Variants in CHODL observed in about 807,000 individuals in gnomAD.
CHODL encodes transmembrane protein MT75.
A neutral mutation model predicts 34.5 loss-of-function variants in CHODL; 29 were observed. The observed-to-expected ratio is 0.84, with a 90% CI of 0.63 to 1.15. CHODL has a LOEUF of 1.15. Ranked by LOEUF, CHODL falls within the 50% of genes most tolerant of loss-of-function variation. CHODL has a pLI of 0.00. For missense variants in CHODL, 332 were observed against 332.5 expected, an observed-to-expected ratio of 1.00 and a Z score of 0.01; for synonymous variants, 125 against 116.1, an observed-to-expected ratio of 1.08 and a Z score of -0.49.
At chr21:18,069,689 A>T (rs938892910) in intron 2 of CHODL, among the ~76,000 whole-genome samples, 2 of 152,158 alleles carry the variant, frequency 1.3e-5, no homozygotes, top group African/African-American at 4.8e-5. Flanking sequence ...AATGACAAAG[A>T]TGGTGGTAAA....
intron 1 of CHODL, among the ~76,000 whole-genome samples, chr21:18,250,114 A>G (rs983668387): frequency 6.6e-6 from 1 of 152,136 alleles, no homozygotes; most frequent in African/African-American, 2.4e-5. Flanking sequence ...TAGAATCATT[A>G]CTTCTATAAA....
intron 2 of CHODL, among the ~76,000 whole-genome samples, chr21:18,174,161 A>ATATATATATCTTGGTAT (rs2073276201): frequency 1.2e-5 from 1 of 85,670 alleles, no homozygotes; most frequent in Non-Finnish European, 3.1e-5. Context: ...ATATATATAT[A>ATATATATATCTTGGTAT]AAATCAAGTC....
intron 2 of CHODL, among the ~76,000 whole-genome samples, chr21:18,229,118 A>G (rs766425502): frequency 2.6e-5 from 4 of 152,198 alleles, no homozygotes; most frequent in Non-Finnish European, 5.9e-5. Flanking sequence ...TGCCTTTGCA[A>G]TATATGATGG....
chr21:18,048,918 T>A (rs1333577502), intron 2 of CHODL, among the ~76,000 whole-genome samples: 1 of 151,940 alleles, frequency 6.6e-6, no homozygotes, highest in Non-Finnish European at 1.5e-5. Context: ...GTTCAGAACT[T>A]CACATTTTTT....
intron 1 of CHODL, among the ~76,000 whole-genome samples, chr21:18,251,799 C>G (rs1305338223): frequency 7.5e-6 from 1 of 133,526 alleles, no homozygotes; most frequent in East Asian, 2.1e-4. Flanking sequence ...ATAAAGAAGC[C>G]TCTTTTATAT....
intron 1 of CHODL, among the ~76,000 whole-genome samples, chr21:18,248,728 A>ATATAATATATATG (rs1219976502): frequency 8.4e-6 from 1 of 119,742 alleles, no homozygotes; most frequent in African/African-American, 3.6e-5. Flanking sequence ...ATATATATGT[A>ATATAATATATATG]TATAATATAT....
At chr21:18,212,040 A>C (rs1385388477) in intron 2 of CHODL, among the ~76,000 whole-genome samples, 5 of 152,222 alleles carry the variant, frequency 3.3e-5, no homozygotes, top group Non-Finnish European at 1.5e-5. Context: ...TAAATGGACA[A>C]AAATAAAGCA....
chr21:18,201,390 A>G (rs898706528), intron 2 of CHODL, among the ~76,000 whole-genome samples: 5 of 152,162 alleles, frequency 3.3e-5, no homozygotes, highest in African/African-American at 1.2e-4. Flanking sequence ...TAGGTAATCA[A>G]AATGTAGCCT....
At chr21:17,923,544 C>T (rs1330013729) in intron 1 of CHODL, among the ~76,000 whole-genome samples, 1 of 149,526 alleles carries the variant, frequency 6.7e-6, no homozygotes, top group Non-Finnish European at 1.5e-5. Context: ...TCACTGCAAC[C>T]TCCGCCTCCT....
In CHODL at chr21:17,954,922, G is replaced by A. The variant is rs1019491194; in HGVS notation, c.-145+37522G>A. Among the ~76,000 whole-genome samples the A allele has an allele frequency of 3.1e-5, 4 of 127,330 alleles. 1 individual carries two copies. Among genetic ancestry groups the A allele is most frequent in the African/African-American group, 1.1e-4 (4 of 37,660 alleles). The allele number at this position is 127,330 out of a possible 152,430, so 83.5% of individuals were successfully genotyped here. A position where few individuals can be genotyped will look rare whatever the true frequency, so the allele number is the denominator to read the frequency against. On this transcript the variant is annotated intron_variant, in intron 1 of 6. Transcript: ENST00000400127. ...TTTTATATAATATCTATAATTTTAT[G>A]TAATGTATAATTTTTAAAAAATATT...
At chr21:18,167,381 C>T (rs1193764017) in intron 2 of CHODL, among the ~76,000 whole-genome samples, 1 of 147,422 alleles carries the variant, frequency 6.8e-6, no homozygotes, top group African/African-American at 2.5e-5. Flanking sequence ...GTGATCTCAG[C>T]TCACTGCAAG....
chr21:17,932,787 GAA>G (rs1218717687), intron 1 of CHODL, among the ~76,000 whole-genome samples: 4 of 152,166 alleles, frequency 2.6e-5, no homozygotes, highest in African/African-American at 9.7e-5. Flanking sequence ...ACTTGGAAAA[GAA>G]AAAGACACAG....
At chr21:17,940,993 A>C (rs1281398377) in intron 1 of CHODL, among the ~76,000 whole-genome samples, 1 of 152,212 alleles carries the variant, frequency 6.6e-6, no homozygotes, top group African/African-American at 2.4e-5. Context: ...TATTAATAAG[A>C]ATTTAAGAGA....
At chr21:18,103,423 A>G (rs78605471) in intron 2 of CHODL, among the ~76,000 whole-genome samples, 5,974 of 152,264 alleles carry the variant, frequency 0.039, 167 homozygotes, top group Non-Finnish European at 0.055. Flanking sequence ...CAATCAATGT[A>G]TTTCACATAT....
intron 2 of CHODL, among the ~76,000 whole-genome samples, chr21:18,075,945 C>A (rs1160481774): frequency 6.6e-6 from 1 of 152,128 alleles, no homozygotes; most frequent in Admixed American, 6.6e-5. Context: ...AGCAAAAAGA[C>A]AGCTGTTTAC....
At chr21:18,137,899 G>C (rs918759037) in intron 2 of CHODL, among the ~76,000 whole-genome samples, 4 of 151,948 alleles carry the variant, frequency 2.6e-5, no homozygotes, top group Non-Finnish European at 2.9e-5. Flanking sequence ...TGTATATACA[G>C]TGTATGTTTT....
chr21:17,999,023 G>A (rs1316920022), intron 1 of CHODL, among the ~76,000 whole-genome samples: 1 of 152,110 alleles, frequency 6.6e-6, no homozygotes. Context: ...CCTTTATGCT[G>A]TTTCCCTTTT....
At chr21:18,060,449 C>CAAATAAATAAATAAATAAAT (rs58886259) in intron 2 of CHODL, among the ~76,000 whole-genome samples, 26 of 149,146 alleles carry the variant, frequency 1.7e-4, no homozygotes, top group African/African-American at 6.6e-4. Context: ...GACTCTGTCT[C>CAAATAAATAAATAAATAAAT]AAATAAATAA....
At chr21:18,125,329 A>G (rs2065528867) in intron 2 of CHODL, among the ~76,000 whole-genome samples, 1 of 152,194 alleles carries the variant, frequency 6.6e-6, no homozygotes, top group Admixed American at 6.5e-5. Context: ...AGCTACTGTT[A>G]TGGATACTTG....
Sources: allele counts gnomAD v4.1 joint callset (sites outside exome capture counted in the v4.1 genomes callset), GRCh38; gene constraint gnomAD v4.1.1; transcripts MANE v1.5; gene names NCBI Gene and HGNC (gene_info 2026-07-23, HGNC 2026-07-21).